The following AJAP1 variants were observed in gnomAD, a reference collection of about 807,000 sequenced individuals.
AJAP1 encodes adherens junction-associated protein 1.
In AJAP1, 5 loss-of-function variants were observed where a neutral mutation model predicts 35.0. That is an observed-to-expected ratio of 0.14 (90% CI 0.07 to 0.30). The LOEUF is 0.30. Among genes scored for constraint, AJAP1 ranks in the 10% least tolerant of loss-of-function variants. AJAP1 has a pLI of 1.00. For synonymous variants in AJAP1, 284 were observed against 249.3 expected (o/e 1.14, Z -1.31); for missense variants, 586 against 571.0 (o/e 1.03, Z -0.27).
At chr1:4,698,103 G>A (rs547752737) in intron 1 of AJAP1, among the ~76,000 whole-genome samples, 12 of 152,220 alleles carry the variant, frequency 7.9e-5, no homozygotes, top group Admixed American at 7.9e-4. Context: ...TATAGCTGAA[G>A]ATGAGACAGA....
chr1:4,680,918 A>G (rs1639468066), intron 1 of AJAP1, among the ~76,000 whole-genome samples: 1 of 152,208 alleles, frequency 6.6e-6, no homozygotes, highest in Non-Finnish European at 1.5e-5. Flanking sequence ...TTAGTGTCTT[A>G]TAACCTTGTA....
intron 5 of AJAP1, among the ~76,000 whole-genome samples, chr1:4,781,447 T>G (rs1003240375): frequency 3.3e-5 from 5 of 152,162 alleles, no homozygotes; most frequent in African/African-American, 1.2e-4. Flanking sequence ...GCTCCAACGA[T>G]GACGATGACG....
intron 2 of AJAP1, among the ~76,000 whole-genome samples, chr1:4,713,083 T>G (rs1640303391): frequency 1.3e-5 from 2 of 152,128 alleles, no homozygotes; most frequent in Admixed American, 1.3e-4. Flanking sequence ...AGCAAGATGC[T>G]TGCCCGTCTC....
rs150175803 is a variant in AJAP1 at position 4,749,191 on chromosome 1, C to G, written c.830-20662C>G. Among the ~76,000 whole-genome samples, 861 of 152,258 alleles carry G rather than the reference C, an allele frequency of 5.7e-3. 14 individuals are homozygous for G. Among genetic ancestry groups the G allele is most frequent in the African/African-American group, 0.02 (812 of 41,544 alleles). ...AGCTCACACGGTGAGCAGAGTGTGT[C>G]CAGCTTAGGTCCCTTGGGACCTGCA... On this transcript the variant is annotated intron_variant, in intron 2 of 5. Coordinates refer to ENST00000378191, the MANE Select transcript of AJAP1 (RefSeq NM_018836.4).
chr1:4,750,044 G>A (rs949452356), intron 2 of AJAP1, among the ~76,000 whole-genome samples: 1 of 152,026 alleles, frequency 6.6e-6, no homozygotes, highest in Admixed American at 6.6e-5. Flanking sequence ...GTGTGTGTGT[G>A]TGTGTTTGTA....
chr1:4,714,315 C>T (rs1264211726), intron 2 of AJAP1, among the ~76,000 whole-genome samples: 9 of 152,258 alleles, frequency 5.9e-5, no homozygotes, highest in Admixed American at 5.2e-4. Context: ...CACGGACATG[C>T]GGGGTCTGCA....
At chr1:4,755,303 G>A (rs375736431) in intron 2 of AJAP1, among the ~76,000 whole-genome samples, 3 of 152,158 alleles carry the variant, frequency 2.0e-5, no homozygotes, top group East Asian at 1.9e-4. Flanking sequence ...AAGTGGGTGC[G>A]GGGGACTCTC....
intron 1 of AJAP1, among the ~76,000 whole-genome samples, chr1:4,696,111 T>C (rs989289733): frequency 1.3e-5 from 2 of 152,062 alleles, no homozygotes; most frequent in Admixed American, 6.5e-5. Flanking sequence ...ATGGCTCCTA[T>C]AAAAAGCCAA....
intron 1 of AJAP1, among the ~76,000 whole-genome samples, chr1:4,658,054 C>G (rs981148929): frequency 1.3e-5 from 2 of 152,064 alleles, no homozygotes; most frequent in South Asian, 2.1e-4. Context: ...GGAGGGGGCG[C>G]GTACTCAGCA....
At chr1:4,752,566 A>G (rs115092664) in intron 2 of AJAP1, among the ~76,000 whole-genome samples, 2,481 of 152,220 alleles carry the variant, frequency 0.016, 43 homozygotes, top group Non-Finnish European at 0.026. Flanking sequence ...TTTAAATTAA[A>G]TCAGCAGGAG....
intron 2 of AJAP1, among the ~76,000 whole-genome samples, chr1:4,748,937 T>G (rs1641258905): frequency 6.6e-6 from 1 of 151,998 alleles, no homozygotes; most frequent in Non-Finnish European, 1.5e-5. Context: ...CCTTCCAGCT[T>G]CTAGAACTGT....
At chr1:4,755,533 C>T (rs964878516) in intron 2 of AJAP1, among the ~76,000 whole-genome samples, 3 of 151,980 alleles carry the variant, frequency 2.0e-5, no homozygotes, top group Non-Finnish European at 4.4e-5. Flanking sequence ...GATTAAGCTG[C>T]CCCCACCCCC....
At chr1:4,733,445 T>C (rs1640846534) in intron 2 of AJAP1, among the ~76,000 whole-genome samples, 1 of 149,664 alleles carries the variant, frequency 6.7e-6, no homozygotes, top group Non-Finnish European at 1.5e-5. Context: ...CATTCATTCA[T>C]TCAGCTGACC....
chr1:4,668,399 G>A (rs757239629), intron 1 of AJAP1, among the ~76,000 whole-genome samples: 2 of 152,038 alleles, frequency 1.3e-5, no homozygotes, highest in Non-Finnish European at 2.9e-5. Flanking sequence ...GTAGGTGTGA[G>A]GCATCAGTTG....
intron 1 of AJAP1, among the ~76,000 whole-genome samples, chr1:4,697,504 C>T (rs540370169): frequency 1.3e-5 from 2 of 152,264 alleles, no homozygotes; most frequent in Non-Finnish European, 2.9e-5. Context: ...GACATCACCT[C>T]AGGACAACTC....
chr1:4,758,937 G>C (rs1285832675), intron 2 of AJAP1, among the ~76,000 whole-genome samples: 1 of 152,190 alleles, frequency 6.6e-6, no homozygotes, highest in East Asian at 1.9e-4. Context: ...CTGGGTTACA[G>C]GCTTTCTGTG....
At chr1:4,772,651 G>T (rs1005519218) in intron 4 of AJAP1, 126 bp downstream of exon 4, 11 of 1,380,718 alleles carry the variant, frequency 8.0e-6, no homozygotes, top group Admixed American at 7.1e-5. Context: ...GCTTTGAGGG[G>T]CCCAGCCAAG....
intron 5 of AJAP1, among the ~76,000 whole-genome samples, chr1:4,776,799 C>T (rs1296618939): frequency 2.0e-5 from 3 of 152,156 alleles, no homozygotes; most frequent in South Asian, 2.1e-4. Flanking sequence ...TCAGGACCAC[C>T]GGCATTTACA....
chr1:4,712,269 G>A lies in AJAP1; in HGVS notation c.399G>A (p.Ser133=), dbSNP rs1434847782. The change falls in exon 2 of 6, where the codon TCG becomes TCA. Residue 133 remains serine, a synonymous_variant. Transcript: ENST00000378191. ...AATCCAGCCCTTCCCTCGCCTCTTC[G>A]TCCTCGTCCTCGTCCTCCGCGGTGG... The part of the protein sequence containing the change: ...AAKSSPSLAS[S]SSSSSSAVAG... The A allele has an allele frequency of 1.3e-6, 2 of 1,507,518 alleles. No homozygotes were observed. Among genetic ancestry groups the A allele is most frequent in the African/African-American group, 2.8e-5 (2 of 71,434 alleles). 93.4% of individuals were successfully genotyped at this position (1,507,518 alleles called of 1,614,324 possible).
Sources: gnomAD v4.1 joint callset for allele counts (sites outside exome capture counted in the v4.1 genomes callset) on GRCh38, gnomAD v4.1.1 for gene constraint, MANE v1.5 for transcripts, NCBI Gene and HGNC (gene_info 2026-07-23, HGNC 2026-07-21) for gene names.